The following RALGAPA2 variants were observed in gnomAD, a reference collection of about 807,000 sequenced individuals.
RALGAPA2 encodes the protein ral GTPase-activating protein subunit alpha-2.
Under a neutral mutation model 230.4 loss-of-function variants are expected in RALGAPA2, and 139 were observed. The ratio of observed to expected loss-of-function variants is 0.60; its 90% confidence interval spans 0.53 to 0.69. The LOEUF (loss-of-function observed/expected upper bound fraction) is 0.69. Among genes scored for constraint, RALGAPA2 ranks in the 30% least tolerant of loss-of-function variants. The pLI, the probability that RALGAPA2 is intolerant of heterozygous loss-of-function variation, is 0.00. For missense variants in RALGAPA2, 2,163 were observed against 2,276.0 expected, an observed-to-expected ratio of 0.95 and a Z score of 1.01; for synonymous variants, 847 against 837.8, an observed-to-expected ratio of 1.01 and a Z score of -0.19.
At chr20:20,409,219 C>T (rs966563356) in intron 38 of RALGAPA2, among the ~76,000 whole-genome samples, 2 of 152,188 alleles carry the variant, frequency 1.3e-5, no homozygotes, top group Non-Finnish European at 1.5e-5. Flanking sequence ...CCATTCCCAC[C>T]GAGTGCATCT....
intron 37 of RALGAPA2, among the ~76,000 whole-genome samples, chr20:20,434,260 G>A (rs2060561315): frequency 6.6e-6 from 1 of 152,176 alleles, no homozygotes; most frequent in African/African-American, 2.4e-5. Context: ...GGGAACTCAT[G>A]GGAAATGCCA....
At chr20:20,499,925 C>T (rs1379998329) in intron 35 of RALGAPA2, among the ~76,000 whole-genome samples, 1 of 152,140 alleles carries the variant, frequency 6.6e-6, no homozygotes, top group Non-Finnish European at 1.5e-5. Context: ...ATTGCAAATA[C>T]AGATATTGCA....
chr20:20,424,812 A>G (rs1015625317), intron 37 of RALGAPA2, among the ~76,000 whole-genome samples: 2 of 152,198 alleles, frequency 1.3e-5, no homozygotes, highest in East Asian at 1.9e-4. Flanking sequence ...TAAAAAAAAA[A>G]AAGAAGAAAT....
intron 9 of RALGAPA2, 83 bp from the exon 10 acceptor site, chr20:20,629,673 A>T: frequency 1.4e-6 from 2 of 1,409,672 alleles, no homozygotes; most frequent in Non-Finnish European, 2.0e-6. Flanking sequence ...GCCTTGTTTT[A>T]AGTAACTCTG....
chr20:20,583,359 G>T, intron 19 of RALGAPA2, 133 bp from the exon 20 acceptor site: 1 of 1,016,022 alleles, frequency 9.8e-7, no homozygotes. Context: ...GGCAGAACCT[G>T]CAGAACTTGA....
At chr20:20,673,808 C>T (rs530403670) in intron 3 of RALGAPA2, among the ~76,000 whole-genome samples, 2 of 152,210 alleles carry the variant, frequency 1.3e-5, no homozygotes, top group South Asian at 4.1e-4. Context: ...ACCATTACCA[C>T]AGGACCAGTC....
At chr20:20,439,458 T>C (rs1456409949) in intron 37 of RALGAPA2, among the ~76,000 whole-genome samples, 2 of 152,118 alleles carry the variant, frequency 1.3e-5, no homozygotes, top group Non-Finnish European at 2.9e-5. Flanking sequence ...AGCGATCCAC[T>C]GGCCTCAGCC....
At chr20:20,560,009 G>T (rs1461733874) in intron 23 of RALGAPA2, among the ~76,000 whole-genome samples, 3 of 152,156 alleles carry the variant, frequency 2.0e-5, no homozygotes, top group African/African-American at 7.2e-5. Context: ...ATTCTCAAGT[G>T]CTAACTGGGT....
chr20:20,684,882 C>G (rs1011409886), intron 1 of RALGAPA2, among the ~76,000 whole-genome samples: 1 of 152,120 alleles, frequency 6.6e-6, no homozygotes, highest in African/African-American at 2.4e-5. Context: ...AATGAATAAC[C>G]AAATAACAAA....
chr20:20,415,132 T>A (rs1291261075), intron 37 of RALGAPA2, among the ~76,000 whole-genome samples: 1 of 152,284 alleles, frequency 6.6e-6, no homozygotes, highest in African/African-American at 2.4e-5. Flanking sequence ...TTTGGAGCAG[T>A]ATCATCTGAC....
Position 20,518,117 on chromosome 20 carries a change from G to A in RALGAPA2, c.4084+2800C>T, listed in dbSNP as rs369734985. ...TGTCACCAGGCTGGAGTGCAGTGGTGCGATCGTGGCTCATTGCAACCTCCG... is the reference window on the plus strand; with the variant it reads ...TGTCACCAGGCTGGAGTGCAGTGGTACGATCGTGGCTCATTGCAACCTCCG... On this transcript the variant is annotated intron_variant, in intron 31 of 39. Coordinates refer to ENST00000202677, the MANE Select transcript of RALGAPA2 (RefSeq NM_020343.4). 1.3e-4 allele frequency among the ~76,000 whole-genome samples: 19 copies of A among 151,990 alleles called. No individual in the cohort carries two copies. In the East Asian group the frequency reaches 1.9e-3, roughly 16 times the overall value.
Position 20,611,425 on chromosome 20 carries a change from C to A in RALGAPA2, c.1690G>T (p.Glu564Ter). 2 of 1,610,070 alleles carry A rather than the reference C, an allele frequency of 1.2e-6. No individual in the cohort carries two copies. Among genetic ancestry groups the A allele is most frequent in the Non-Finnish European group, 1.7e-6 (2 of 1,177,936 alleles). Residue 564 changes from glutamate (E) to a stop codon, truncating the protein, a stop_gained and splice_region_variant, in exon 14 of 40, where the codon GAA becomes TAA. Coordinates refer to ENST00000202677, the MANE Select transcript of RALGAPA2 (RefSeq NM_020343.4). LOFTEE classifies it high-confidence loss of function. ...CTGAGTAGTATTTGCAACATCTGTTCCCTGGGCCACCCAAAATAAAAGCTC... is the reference window on the plus strand; with the variant it reads ...CTGAGTAGTATTTGCAACATCTGTTACCTGGGCCACCCAAAATAAAAGCTC... ...MELTMNKKTW[E>*]QMLQILLRIT...
intron 4 of RALGAPA2, among the ~76,000 whole-genome samples, chr20:20,650,233 G>C (rs2067352559): frequency 6.6e-6 from 1 of 152,142 alleles, no homozygotes; most frequent in Non-Finnish European, 1.5e-5. Flanking sequence ...AAAAACCGCA[G>C]ATTATCCCTT....
Position 20,681,110 on chromosome 20 carries a change from G to A in RALGAPA2, c.107-309C>T, listed in dbSNP as rs558958590. On this transcript the variant is annotated intron_variant, in intron 1 of 39. Coordinates refer to ENST00000202677, the MANE Select transcript of RALGAPA2 (RefSeq NM_020343.4). ...GGTAAGCAGGGGCAGGTCTGGGGAG[G>A]GACATGACTTCCTGTTACGGGATGA... 4.6e-5 allele frequency among the ~76,000 whole-genome samples: 7 copies of A among 152,234 alleles called. No homozygotes were observed. In the South Asian group the frequency reaches 1.0e-3, roughly 23 times the overall value.
chr20:20,571,761 T>A (rs1475484098), intron 22 of RALGAPA2, 87 bp downstream of exon 22: 9 of 1,464,866 alleles, frequency 6.1e-6, no homozygotes, highest in Non-Finnish European at 8.4e-6. Context: ...CTTCAAAACA[T>A]GCAGTCTTGG....
intron 36 of RALGAPA2, among the ~76,000 whole-genome samples, chr20:20,489,721 T>A (rs2062003289): frequency 6.6e-6 from 1 of 152,214 alleles, no homozygotes; most frequent in South Asian, 2.1e-4. Context: ...TGGACACCCA[T>A]CCTCCTTGCT....
intron 35 of RALGAPA2, among the ~76,000 whole-genome samples, chr20:20,499,692 G>A (rs1483506532): frequency 2.6e-5 from 4 of 152,220 alleles, no homozygotes; most frequent in Non-Finnish European, 5.9e-5. Context: ...CCCCCAGGAG[G>A]TCATTATAGC....
At chr20:20,541,943 A>C (rs2145667981) in intron 24 of RALGAPA2, among the ~76,000 whole-genome samples, 1 of 152,334 alleles carries the variant, frequency 6.6e-6, no homozygotes, top group African/African-American at 2.4e-5. Context: ...ATAAAGAAAT[A>C]AAGGGTATTC....
intron 3 of RALGAPA2, among the ~76,000 whole-genome samples, chr20:20,655,296 AG>A (rs1256873194): frequency 7.2e-5 from 11 of 152,034 alleles, no homozygotes; most frequent in Admixed American, 7.2e-4. Flanking sequence ...GAGATGATAA[AG>A]AAAAGAATAT....
Sources: gnomAD v4.1 joint callset for allele counts (sites outside exome capture counted in the v4.1 genomes callset) on GRCh38, gnomAD v4.1.1 for gene constraint, MANE v1.5 for transcripts, NCBI Gene and HGNC (gene_info 2026-07-23, HGNC 2026-07-21) for gene names.